Variants in TRIB1 observed in about 807,000 individuals in gnomAD.
TRIB1 encodes the protein tribbles homolog 1.
In TRIB1, 12 loss-of-function variants were observed where a neutral mutation model predicts 27.8. The ratio of observed to expected loss-of-function variants is 0.43; its 90% confidence interval spans 0.28 to 0.70. The LOEUF (loss-of-function observed/expected upper bound fraction) is 0.70. Ranked by LOEUF, TRIB1 falls within the 30% of genes least tolerant of loss-of-function variation. TRIB1 has a pLI of 0.18. For missense variants in TRIB1, 475 were observed against 515.8 expected (o/e 0.92, Z 0.77); for synonymous variants, 230 against 224.9 (o/e 1.02, Z -0.20).
rs1161382409 is a variant in TRIB1 at position 125,436,413 on chromosome 8, C to G, written c.1061C>G (p.Ser354Ter). ...TACATCGACTCAGAAATAGGAACTT[C>G]AGACCAGATTGTTCCAGAGTACCAG... ...PGYIDSEIGT[S>*]DQIVPEYQED... The change falls in exon 3 of 3, where the codon TCA becomes TGA. Residue 354 changes from serine (S) to a stop codon, truncating the protein, a stop_gained. Coordinates refer to ENST00000311922, the MANE Select transcript of TRIB1 (RefSeq NM_025195.4). LOFTEE classifies it high-confidence loss of function. The G allele has an allele frequency of 6.2e-7, 1 of 1,613,956 alleles. No homozygotes were observed. Among genetic ancestry groups the G allele is most frequent in the Non-Finnish European group, 8.5e-7 (1 of 1,180,038 alleles).
Position 125,436,199 on chromosome 8 carries a change from C to T in TRIB1, c.847C>T (p.Pro283Ser). The T allele has an allele frequency of 6.2e-7, 1 of 1,614,082 alleles. No individual in the cohort carries two copies. Among genetic ancestry groups the T allele is most frequent in the Non-Finnish European group, 8.5e-7 (1 of 1,180,018 alleles). ...CTACACCCTTCTGGTTGGACGATAC[C>T]CCTTCCATGACTCAGACCCCAGTGC... ...MLYTLLVGRY[P>S]FHDSDPSALF... The change falls in exon 3 of 3, where the codon CCC becomes TCC. Residue 283 changes from proline to serine, a missense_variant. Physicochemically the swap from Pro to Ser is moderately conservative, Grantham distance 74. Transcript: ENST00000311922.
Position 125,436,480 on chromosome 8 carries a change from A to G in TRIB1, c.*9A>G. ...GTTCCTTCTTCTGCTAATCCCCAAA[A>G]CCTCAGAAACCTCATAATTCTTAAC... On this transcript the variant is annotated 3_prime_UTR_variant, in exon 3 of 3. Transcript: ENST00000311922. The G allele has an allele frequency of 1.2e-6, 2 of 1,609,690 alleles. No homozygotes were observed. The highest frequency in any genetic ancestry group is 2.2e-5 in the East Asian group (1 of 44,826).
intron 1 of TRIB1, 61 bp downstream of exon 1, chr8:125,431,323 A>G (rs1273661698): frequency 2.1e-5 from 26 of 1,248,702 alleles, no homozygotes; most frequent in Non-Finnish European, 2.5e-5. Flanking sequence ...GTGGTAGGCA[A>G]AGGTGCTTGG....
At chr8:125,435,162 G>A (rs911811837) in intron 2 of TRIB1, among the ~76,000 whole-genome samples, 9 of 152,040 alleles carry the variant, frequency 5.9e-5, no homozygotes, top group African/African-American at 1.9e-4. Flanking sequence ...TCATAAGAGA[G>A]CCTTTGACTG....
In TRIB1 at chr8:125,433,477, G is replaced by A. The variant is rs755466534; in HGVS notation, c.521G>A (p.Arg174Gln). ...GACATGCACTCCTATGTGCGAAGCCGGAAGAGGCTGCGGGAAGAGGAAGCC... is the reference window on the plus strand; with the variant it reads ...GACATGCACTCCTATGTGCGAAGCCAGAAGAGGCTGCGGGAAGAGGAAGCC... Reference protein sequence around the residue: ...FGDMHSYVRSRKRLREEEAAR... With the variant: ...FGDMHSYVRSQKRLREEEAAR... The change falls in exon 2 of 3, where the codon CGG becomes CAG. Residue 174 changes from arginine (R) to glutamine (Q), a missense_variant. Coordinates refer to ENST00000311922, the MANE Select transcript of TRIB1 (RefSeq NM_025195.4). The surrounding 1 kb of genome is among the most constrained non-coding windows in gnomAD (Gnocchi z 4.4). 26 of 1,614,098 alleles carry A rather than the reference G, an allele frequency of 1.6e-5. No homozygotes were observed. The highest frequency in any genetic ancestry group is 8.9e-5 in the East Asian group (4 of 44,898).
In TRIB1 at chr8:125,436,018, A is replaced by C; in HGVS notation, c.666A>C (p.Arg222Ser). 6.2e-7 allele frequency: 1 copy of C among 1,613,726 alleles called. No individual in the cohort carries two copies. Among genetic ancestry groups the C allele is most frequent in the Non-Finnish European group, 8.5e-7 (1 of 1,179,824 alleles). ...VFSTEERTQL[R>S]LESLEDTHIM... Reference sequence around the variant, plus strand: ...CTCTCTCTTGCAGAACCCAGCTTAGACTAGAAAGTCTAGAAGACACACACA... The same window carrying C: ...CTCTCTCTTGCAGAACCCAGCTTAGCCTAGAAAGTCTAGAAGACACACACA... Residue 222 changes from arginine to serine, a missense_variant, in exon 3 of 3, where the codon AGA becomes AGC. By Grantham distance (110) the Arg-to-Ser change is moderately radical (BLOSUM62 -1). Transcript: ENST00000311922.
At chr8:125,431,890 G>A (rs1408935456) in intron 1 of TRIB1, among the ~76,000 whole-genome samples, 1 of 152,188 alleles carries the variant, frequency 6.6e-6, no homozygotes, top group Non-Finnish European at 1.5e-5. Context: ...CACCGGCCAG[G>A]AACCCTCGCT....
chr8:125,434,738 C>A (rs1010662297), intron 2 of TRIB1, among the ~76,000 whole-genome samples: 1 of 152,182 alleles, frequency 6.6e-6, no homozygotes, highest in African/African-American at 2.4e-5. Context: ...CAGGCTGACG[C>A]TATTCGTGTA....
chr8:125,436,776 G>T lies in TRIB1; in HGVS notation c.*305G>T. Reference sequence around the variant, plus strand: ...GAGTATGGACATCTTACACCCGGTGGTCAAGTGTGTAATAAACTTGAGCAT... The same window carrying T: ...GAGTATGGACATCTTACACCCGGTGTTCAAGTGTGTAATAAACTTGAGCAT... On this transcript the variant is annotated 3_prime_UTR_variant, in exon 3 of 3. Coordinates refer to ENST00000311922, the MANE Select transcript of TRIB1 (RefSeq NM_025195.4). The T allele has an allele frequency of 2.3e-6, 1 of 431,108 alleles. No individual in the cohort carries two copies. The highest frequency in any genetic ancestry group is 4.2e-6 in the Non-Finnish European group (1 of 238,276). The allele number at this position is 431,108 out of a possible 1,614,324, so 26.7% of individuals were successfully genotyped here. A position where few individuals can be genotyped will look rare whatever the true frequency, so the allele number is the denominator to read the frequency against.
At position 125,430,738 on chromosome 8, in the gene TRIB1, G is replaced by C; in HGVS notation, c.-165G>C. On this transcript the variant is annotated 5_prime_UTR_variant, in exon 1 of 3. Coordinates refer to ENST00000311922, the MANE Select transcript of TRIB1 (RefSeq NM_025195.4). ...GGTCCCCGCGTGCAACGCGAGCGCC[G>C]GGGAGTGGCTCCTGCTTTGCCCCTC... 2 of 926,120 alleles carry C rather than the reference G, an allele frequency of 2.2e-6. No homozygotes were observed. Among genetic ancestry groups the C allele is most frequent in the Non-Finnish European group, 2.9e-6 (2 of 696,524 alleles). The allele number at this position is 926,120 out of a possible 1,614,324, so 57.4% of individuals were successfully genotyped here.
In TRIB1 at chr8:125,430,798, A is replaced by G; in HGVS notation, c.-105A>G. The G allele has an allele frequency of 1.5e-6, 2 of 1,321,226 alleles. No individual in the cohort carries two copies. The highest frequency in any genetic ancestry group is 1.9e-6 in the Non-Finnish European group (2 of 1,035,202). The allele number at this position is 1,321,226 out of a possible 1,614,324, so 81.8% of individuals were successfully genotyped here. A position where few individuals can be genotyped will look rare whatever the true frequency, so the allele number is the denominator to read the frequency against. On this transcript the variant is annotated 5_prime_UTR_variant, in exon 1 of 3. Coordinates refer to ENST00000311922, the MANE Select transcript of TRIB1 (RefSeq NM_025195.4). ...GAGCCAAGACCAGTCTGCAAACTCCATCCCGCCGGCTGGAAGAAGTCGCGG... is the reference window on the plus strand; with the variant it reads ...GAGCCAAGACCAGTCTGCAAACTCCGTCCCGCCGGCTGGAAGAAGTCGCGG...
Position 125,437,674 on chromosome 8 carries a change from C to G in TRIB1, c.*1203C>G, listed in dbSNP as rs1207785968. 1 of 152,392 alleles carries G rather than the reference C, an allele frequency of 6.6e-6. No individual in the cohort carries two copies. Among genetic ancestry groups the G allele is most frequent in the African/African-American group, 2.4e-5 (1 of 41,476 alleles). 9.4% of individuals were successfully genotyped at this position (152,392 alleles called of 1,614,324 possible). A position where few individuals can be genotyped will look rare whatever the true frequency, so the allele number is the denominator to read the frequency against. On this transcript the variant is annotated 3_prime_UTR_variant, in exon 3 of 3. Coordinates refer to ENST00000311922, the MANE Select transcript of TRIB1 (RefSeq NM_025195.4). The stretch of plus-strand genomic sequence containing the variant: ...AATCATCCGGTCCAATCTCTTTCCT[C>G]TTTCTGCCACCTCCCAAGGCAGAAA...
intron 1 of TRIB1, among the ~76,000 whole-genome samples, chr8:125,431,556 A>G (rs1229871718): frequency 6.6e-6 from 1 of 152,156 alleles, no homozygotes; most frequent in Non-Finnish European, 1.5e-5. Context: ...TGGAATTGAA[A>G]TGGATTCCAG....
rs1814690156 is a variant in TRIB1 at position 125,433,224 on chromosome 8, A to G, written c.361-93A>G. 7.4e-7 allele frequency: 1 copy of G among 1,351,076 alleles called. No homozygotes were observed. Among genetic ancestry groups the G allele is most frequent in the African/African-American group, 1.5e-5 (1 of 66,946 alleles). The allele number at this position is 1,351,076 out of a possible 1,614,324, so 83.7% of individuals were successfully genotyped here. On this transcript the variant is annotated intron_variant, in intron 1 of 2. Transcript: ENST00000311922. The surrounding 1 kb of genome is among the most constrained non-coding windows in gnomAD (Gnocchi z 4.4). ...TGGAACTTACTCACATCCTAAGCCCACAGGTTGAGAACTTCTGTTCAGCTC... is the reference window on the plus strand; with the variant it reads ...TGGAACTTACTCACATCCTAAGCCCGCAGGTTGAGAACTTCTGTTCAGCTC...
Position 125,433,796 on chromosome 8 carries a change from G to C in TRIB1, c.653+187G>C. ...TGGTTTATTCTGCATTCTCTTGGAC[G>C]GGGCCTGGGGACACCGTGGCGCTTC... On this transcript the variant is annotated intron_variant, in intron 2 of 2. Coordinates refer to ENST00000311922, the MANE Select transcript of TRIB1 (RefSeq NM_025195.4). The surrounding 1 kb of genome is among the most constrained non-coding windows in gnomAD (Gnocchi z 4.4). 1.5e-6 allele frequency: 1 copy of C among 653,238 alleles called. No homozygotes were observed. Among genetic ancestry groups the C allele is most frequent in the Non-Finnish European group, 2.5e-6 (1 of 392,930 alleles). The allele number at this position is 653,238 out of a possible 1,614,324, so 40.5% of individuals were successfully genotyped here. A position where few individuals can be genotyped will look rare whatever the true frequency, so the allele number is the denominator to read the frequency against.
In TRIB1 at chr8:125,430,769, G is replaced by C. The variant is rs1814640095; in HGVS notation, c.-134G>C. The C allele has an allele frequency of 2.5e-6, 3 of 1,198,692 alleles. No homozygotes were observed. The highest frequency in any genetic ancestry group is 3.2e-6 in the Non-Finnish European group (3 of 935,168). 74.3% of individuals were successfully genotyped at this position (1,198,692 alleles called of 1,614,324 possible). A position where few individuals can be genotyped will look rare whatever the true frequency, so the allele number is the denominator to read the frequency against. ...TGGCTCCTGCTTTGCCCCTCGTGGGGGCCGAGCCAAGACCAGTCTGCAAAC... is the reference window on the plus strand; with the variant it reads ...TGGCTCCTGCTTTGCCCCTCGTGGGCGCCGAGCCAAGACCAGTCTGCAAAC... On this transcript the variant is annotated 5_prime_UTR_variant, in exon 1 of 3. Coordinates refer to ENST00000311922, the MANE Select transcript of TRIB1 (RefSeq NM_025195.4).
chr8:125,436,416 A>C lies in TRIB1; in HGVS notation c.1064A>C (p.Asp355Ala). ...GYIDSEIGTS[D>A]QIVPEYQEDS... ...ATCGACTCAGAAATAGGAACTTCAG[A>C]CCAGATTGTTCCAGAGTACCAGGAG... Residue 355 changes from aspartate to alanine, a missense_variant, in exon 3 of 3, where the codon GAC (aspartate) becomes GCC (alanine). By Grantham distance (126) the Asp-to-Ala change is moderately radical. Coordinates refer to ENST00000311922, the MANE Select transcript of TRIB1 (RefSeq NM_025195.4). 1.9e-6 allele frequency: 3 copies of C among 1,613,976 alleles called. No homozygotes were observed. The highest frequency in any genetic ancestry group is 2.5e-6 in the Non-Finnish European group (3 of 1,180,018).
chr8:125,433,726 ATTTAGTAT>A lies in TRIB1; in HGVS notation c.653+120_653+127del, dbSNP rs1236776527. On this transcript the variant is annotated intron_variant, in intron 2 of 2. Coordinates refer to ENST00000311922, the MANE Select transcript of TRIB1 (RefSeq NM_025195.4). The surrounding 1 kb of genome is among the most constrained non-coding windows in gnomAD (Gnocchi z 4.4). The stretch of plus-strand genomic sequence containing the variant: ...AAAGTCAAGGGCTCATATGTCCCAG[ATTTAGTAT>A]TTAGAGCTTCTGTTCCTGAGGAGTC... 16 of 1,244,864 alleles carry A rather than the reference ATTTAGTAT, an allele frequency of 1.3e-5. No homozygotes were observed. Among genetic ancestry groups the A allele is most frequent in the Non-Finnish European group, 1.6e-5 (15 of 911,394 alleles). 77.1% of individuals were successfully genotyped at this position (1,244,864 alleles called of 1,614,324 possible).
At chr8:125,431,614 T>C (rs1370206693) in intron 1 of TRIB1, among the ~76,000 whole-genome samples, 1 of 148,158 alleles carries the variant, frequency 6.7e-6, no homozygotes, top group Non-Finnish European at 1.5e-5. Flanking sequence ...CCACCCCCCC[T>C]CCCCCGCCAA....
Sources: allele counts gnomAD v4.1 joint callset (sites outside exome capture counted in the v4.1 genomes callset), GRCh38; gene constraint gnomAD v4.1.1; non-coding constraint Gnocchi (gnomAD v3.1); transcripts MANE v1.5; gene names NCBI Gene and HGNC (gene_info 2026-07-23, HGNC 2026-07-21).